CRBN: variants seen among roughly 807,000 people sequenced by gnomAD.
CRBN encodes cereblon.
Under a neutral mutation model 62.2 loss-of-function variants are expected in CRBN, and 53 were observed. That is an observed-to-expected ratio of 0.85 (90% CI 0.68 to 1.07). CRBN has a LOEUF of 1.07. Among genes scored for constraint, CRBN ranks in the 50% least tolerant of loss-of-function variants. The pLI is 0.00. For missense variants in CRBN, 616 were observed against 531.1 expected (o/e 1.16, Z -1.57); for synonymous variants, 208 against 176.1 (o/e 1.18, Z -1.43).
Position 3,150,645 on chromosome 3 carries a change from G to A in CRBN, c.*220C>T, listed in dbSNP as rs967269260. 2 of 482,854 alleles carry A rather than the reference G, an allele frequency of 4.1e-6. No homozygotes were observed. Among genetic ancestry groups the A allele is most frequent in the South Asian group, 4.3e-5 (2 of 46,610 alleles). 29.9% of individuals were successfully genotyped at this position (482,854 alleles called of 1,614,324 possible). ...ATGGCACCAAGCTACCCAAGTAGATGTTTCTGGTATTCTAGACTGCCGTTC... is the reference window on the plus strand; with the variant it reads ...ATGGCACCAAGCTACCCAAGTAGATATTTCTGGTATTCTAGACTGCCGTTC... On this transcript the variant is annotated 3_prime_UTR_variant, in exon 11 of 11. Coordinates refer to ENST00000231948, the MANE Select transcript of CRBN (RefSeq NM_016302.4).
chr3:3,174,501 TGTG>T (rs1707752259), intron 2 of CRBN, among the ~76,000 whole-genome samples: 2 of 151,914 alleles, frequency 1.3e-5, no homozygotes, highest in African/African-American at 4.8e-5. Context: ...ATTAGCCAGG[TGTG>T]GTGGTGGACA....
At chr3:3,158,855 C>T (rs1157719824) in intron 5 of CRBN, among the ~76,000 whole-genome samples, 1 of 152,152 alleles carries the variant, frequency 6.6e-6, no homozygotes, top group Non-Finnish European at 1.5e-5. Flanking sequence ...TGTCCCCACC[C>T]AAATCTCATC....
At chr3:3,173,947 TACCCA>T in intron 3 of CRBN, 107 bp downstream of exon 3, 2 of 926,292 alleles carry the variant, frequency 2.2e-6, no homozygotes, top group Non-Finnish European at 3.5e-6. Flanking sequence ...CTCACATTCT[TACCCA>T]ACCTCTCCTG....
intron 4 of CRBN, 82 bp from the exon 5 acceptor site, chr3:3,167,875 T>C: frequency 7.4e-7 from 1 of 1,352,234 alleles, no homozygotes; most frequent in Admixed American, 1.8e-5. Context: ...AGTGATAATT[T>C]TAAATACCAA....
At chr3:3,177,561 C>G (rs1278617361) in intron 1 of CRBN, among the ~76,000 whole-genome samples, 1 of 152,138 alleles carries the variant, frequency 6.6e-6, no homozygotes, top group East Asian at 1.9e-4. Flanking sequence ...TTTGTATTTC[C>G]AACTCTGACA....
intron 5 of CRBN, among the ~76,000 whole-genome samples, chr3:3,159,559 C>A (rs569830963): frequency 6.6e-6 from 1 of 152,204 alleles, no homozygotes; most frequent in Non-Finnish European, 1.5e-5. Context: ...ATATTAAGAG[C>A]AATGCACTGG....
Position 3,175,258 on chromosome 3 carries a change from C to T in CRBN, c.79G>A (p.Glu27Lys), listed in dbSNP as rs961091349. 3.1e-6 allele frequency: 5 copies of T among 1,605,860 alleles called. No individual in the cohort carries two copies. The highest frequency in any genetic ancestry group is 1.3e-5 in the African/African-American group (1 of 74,694). ...TCTTCAACTTCCATTTCATCTTCTT[C>T]CTCACTCTCTGCTATAAAAGTAGAA... ...HLPLLPAESE[E>K]EDEMEVEDQD... Residue 27 changes from glutamate to lysine, a missense_variant, in exon 2 of 11, where the codon GAA becomes AAA. Glu to Lys is a moderately conservative substitution (Grantham distance 56). Coordinates refer to ENST00000231948, the MANE Select transcript of CRBN (RefSeq NM_016302.4).
chr3:3,175,029 C>CAG (rs1559258018), intron 2 of CRBN, 134 bp downstream of exon 2: 23 of 152,654 alleles, frequency 1.5e-4, no homozygotes, highest in Non-Finnish European at 3.5e-4. Flanking sequence ...TGTTTATCTA[C>CAG]TGGCAAATAG....
chr3:3,156,166 T>G, intron 6 of CRBN, 53 bp downstream of exon 6: 2 of 1,436,710 alleles, frequency 1.4e-6, no homozygotes, highest in Non-Finnish European at 2.0e-6. Context: ...TAATGACCCT[T>G]AATTATGACA....
chr3:3,150,044 G>T lies in CRBN; in HGVS notation c.*821C>A, dbSNP rs1380297621. ...CACACTTAAGGTTTACTTACTTACA[G>T]ATTTTCTTCAATTTACATTGAACAA... On this transcript the variant is annotated 3_prime_UTR_variant, in exon 11 of 11. Transcript: ENST00000231948. 1 of 152,110 alleles carries T rather than the reference G, an allele frequency of 6.6e-6. No homozygotes were observed. Among genetic ancestry groups the T allele is most frequent in the East Asian group, 1.9e-4 (1 of 5,194 alleles). The allele number at this position is 152,110 out of a possible 1,614,324, so 9.4% of individuals were successfully genotyped here.
At chr3:3,166,510 TCAA>T (rs2126063551) in intron 5 of CRBN, among the ~76,000 whole-genome samples, 1 of 152,278 alleles carries the variant, frequency 6.6e-6, no homozygotes, top group South Asian at 2.1e-4. Context: ...AAAGGCAGTA[TCAA>T]TATTACTAAA....
intron 5 of CRBN, among the ~76,000 whole-genome samples, chr3:3,158,420 C>G (rs1260368612): frequency 6.6e-6 from 1 of 152,214 alleles, no homozygotes; most frequent in Non-Finnish European, 1.5e-5. Flanking sequence ...TGGCCTCCTA[C>G]TGTGTGCTCT....
chr3:3,154,325 G>A (rs975670763), intron 7 of CRBN: 2 of 508,676 alleles, frequency 3.9e-6, no homozygotes, highest in Non-Finnish European at 7.0e-6. Context: ...ATCCATGTTA[G>A]AAGTTATTTG....
At chr3:3,154,636 TG>T in intron 7 of CRBN, 110 bp downstream of exon 7, 1 of 700,384 alleles carries the variant, frequency 1.4e-6, no homozygotes, top group South Asian at 1.6e-5. Context: ...AGAATTAAAA[TG>T]TTTTAATCAG....
Position 3,174,080 on chromosome 3 carries a change from G to T in CRBN, c.356C>A (p.Thr119Asn). The change falls in exon 3 of 11, where the codon ACC becomes AAC. Residue 119 changes from threonine (T) to asparagine (N), a missense_variant. Coordinates refer to ENST00000231948, the MANE Select transcript of CRBN (RefSeq NM_016302.4). Reference protein sequence around the residue: ...MVRNLIQKDRTFAVLAYSNVQ... With the variant: ...MVRNLIQKDRNFAVLAYSNVQ... ...TTACCTGTATGCAAGAACAGCAAAG[G>T]TTCTATCTTTCTGAATTAAATTCCG... The T allele has an allele frequency of 6.2e-7, 1 of 1,614,102 alleles. No individual in the cohort carries two copies. Among genetic ancestry groups the T allele is most frequent in the Non-Finnish European group, 8.5e-7 (1 of 1,179,980 alleles).
intron 5 of CRBN, among the ~76,000 whole-genome samples, chr3:3,158,987 G>A (rs1475734297): frequency 6.6e-6 from 1 of 152,152 alleles, no homozygotes; most frequent in Non-Finnish European, 1.5e-5. Flanking sequence ...GAGATCTGAT[G>A]GTTTTATTAA....
In CRBN at chr3:3,154,110, G is replaced by A. The variant is rs569634680; in HGVS notation, c.836-35C>T. ...ATGGTTTTTCAAGTTTTAAACTTAG[G>A]AGTCAGATAAGCATCAGAGAACTTA... On this transcript the variant is annotated intron_variant, in intron 7 of 10. Coordinates refer to ENST00000231948, the MANE Select transcript of CRBN (RefSeq NM_016302.4). 4.0e-6 allele frequency: 5 copies of A among 1,258,038 alleles called. No homozygotes were observed. The Admixed American group carries it at 6.7e-5, about 17-fold the overall frequency. 77.9% of individuals were successfully genotyped at this position (1,258,038 alleles called of 1,614,324 possible). A position where few individuals can be genotyped will look rare whatever the true frequency, so the allele number is the denominator to read the frequency against.
At position 3,151,048 on chromosome 3, in the gene CRBN, A is replaced by G; in HGVS notation, c.1149-3T>C. 1.2e-6 allele frequency: 2 copies of G among 1,613,768 alleles called. No homozygotes were observed. Among genetic ancestry groups the G allele is most frequent in the South Asian group, 1.1e-5 (1 of 91,076 alleles). ...ACTGGGCAACAGTCCAGGCATACCTAAGAAATTAAGGAAAGATATCAGCTA... is the reference window on the plus strand; with the variant it reads ...ACTGGGCAACAGTCCAGGCATACCTGAGAAATTAAGGAAAGATATCAGCTA... On this transcript the variant is annotated splice_polypyrimidine_tract_variant and splice_region_variant and intron_variant, in intron 10 of 10. Transcript: ENST00000231948.
intron 2 of CRBN, among the ~76,000 whole-genome samples, chr3:3,174,672 G>T (rs1011193722): frequency 1.2e-5 from 1 of 84,368 alleles, no homozygotes; most frequent in Admixed American, 1.1e-4. Context: ...TACAAATGGG[G>T]TTACAAACAC....
Sources: allele counts gnomAD v4.1 joint callset (sites outside exome capture counted in the v4.1 genomes callset), GRCh38; gene constraint gnomAD v4.1.1; transcripts MANE v1.5; gene names NCBI Gene and HGNC (gene_info 2026-07-23, HGNC 2026-07-21).